The following SYCE1 variants were observed in gnomAD, a reference collection of about 807,000 sequenced individuals.
The protein encoded by SYCE1 is cancer/testis antigen 76.
In SYCE1, 37 loss-of-function variants were observed where a neutral mutation model predicts 55.1. The observed-to-expected ratio is 0.67, with a 90% CI of 0.52 to 0.88. The LOEUF is 0.88. SYCE1 is among the 40% of genes least tolerant of loss of function. The pLI, the probability that SYCE1 is intolerant of heterozygous loss-of-function variation, is 0.00. For synonymous variants in SYCE1, 163 were observed against 159.4 expected (o/e 1.02, Z -0.17); for missense variants, 399 against 416.4 (o/e 0.96, Z 0.36).
In SYCE1 at chr10:133,555,691, C is replaced by T; in HGVS notation, c.736G>A (p.Glu246Lys). 6.2e-7 allele frequency: 1 copy of T among 1,605,366 alleles called. No homozygotes were observed. Among genetic ancestry groups the T allele is most frequent in the Non-Finnish European group, 8.5e-7 (1 of 1,179,950 alleles). Residue 246 changes from glutamate to lysine, a missense_variant, in exon 11 of 13, where the codon GAG becomes AAG. Glu to Lys is a moderately conservative substitution (Grantham distance 56). Transcript: ENST00000343131. ...AGGAGCTCCTCAGCCTTCCTGTGCT[C>T]TTCCTGAAACAGCTGCCTGGGGGGC... ...AAATVQLFQE[E>K]HRKAEELLAA... is the part of the protein sequence containing the mutation.
intron 6 of SYCE1, 152 bp from the exon 7 acceptor site, chr10:133,557,308 A>C (rs1747387023): frequency 1.5e-6 from 1 of 674,314 alleles, no homozygotes; most frequent in Non-Finnish European, 2.6e-6. Flanking sequence ...TGACATGACC[A>C]TTTGCCCCCT....
intron 1 of SYCE1, chr10:133,564,356 T>C: frequency 1.0e-6 from 1 of 980,550 alleles, no homozygotes; most frequent in Non-Finnish European, 1.2e-6. Flanking sequence ...ATTTCTGTTG[T>C]AGCAGTTTGA....
chr10:133,559,460 G>C lies in SYCE1; in HGVS notation c.137-100C>G, dbSNP rs76867608. ...CTTTCACGCAACACAGATCTATTGA[G>C]TACCTCCTGCAAGCAGGTGCTCTGT... On this transcript the variant is annotated intron_variant, in intron 2 of 12. Transcript: ENST00000343131. 3,730 of 1,208,792 alleles carry C rather than the reference G, an allele frequency of 3.1e-3. No homozygotes were observed. In the African/African-American group the frequency reaches 0.048, roughly 16 times the overall value. The allele number at this position is 1,208,792 out of a possible 1,614,324, so 74.9% of individuals were successfully genotyped here.
chr10:133,554,135 A>C, downstream of SYCE1: 1 of 561,072 alleles, frequency 1.8e-6, no homozygotes, highest in Non-Finnish European at 3.1e-6. Context: ...TTGATTTAAA[A>C]GTCATGTTTG....
Position 133,558,935 on chromosome 10 carries a change from A to C in SYCE1, c.213T>G (p.Asn71Lys). The stretch of plus-strand genomic sequence containing the variant: ...TGGTCCGGGCCTCTCCTAGGTCTTT[A>C]TTGGCTTTCTTTTTTGCTTCACCAA... Reference protein sequence around the residue: ...NEVQQAKKKANKDLGEARTIC... With the variant: ...NEVQQAKKKAKKDLGEARTIC... Residue 71 changes from asparagine to lysine, a missense_variant, in exon 4 of 13, where the codon AAT becomes AAG. Asn to Lys is a moderately conservative substitution (Grantham distance 94). Coordinates refer to ENST00000343131, the MANE Select transcript of SYCE1 (RefSeq NM_001143764.3). 1 of 1,611,444 alleles carries C rather than the reference A, an allele frequency of 6.2e-7. No homozygotes were observed. Among genetic ancestry groups the C allele is most frequent in the Non-Finnish European group, 8.5e-7 (1 of 1,179,466 alleles).
chr10:133,555,049 G>A lies in SYCE1; in HGVS notation c.999C>T (p.Asp333=). 1.3e-6 allele frequency: 2 copies of A among 1,551,490 alleles called. No individual in the cohort carries two copies. The highest frequency in any genetic ancestry group is 1.7e-6 in the Non-Finnish European group (2 of 1,146,928). Residue 333 remains aspartate (D), a synonymous_variant, in exon 13 of 13, where the codon GAC becomes GAT. Coordinates refer to ENST00000343131, the MANE Select transcript of SYCE1 (RefSeq NM_001143764.3). ...TTGGGCTAAGGTCGGGGTGGAGTGTGTCCTCCTGGCCTATGAGGACATCAG... is the reference window on the plus strand; with the variant it reads ...TTGGGCTAAGGTCGGGGTGGAGTGTATCCTCCTGGCCTATGAGGACATCAG... ...AGPDVLIGQE[D]TLHPDLSPRG...
chr10:133,561,589 T>C (rs919312927), intron 1 of SYCE1, among the ~76,000 whole-genome samples: 2 of 152,164 alleles, frequency 1.3e-5, no homozygotes, highest in East Asian at 1.9e-4. Flanking sequence ...TCTAAGATGA[T>C]AGAGAGCAGT....
intron 5 of SYCE1, 107 bp from the exon 6 acceptor site, chr10:133,558,025 T>C: frequency 6.5e-7 from 1 of 1,527,642 alleles, no homozygotes; most frequent in African/African-American, 1.4e-5. Context: ...GATTGAGCTT[T>C]AACATTTACT....
rs373400887 is a variant in SYCE1 at position 133,562,779 on chromosome 10, C to T, written c.74-2626G>A. ...GTGGTCGAGCCTCATAATAATTCTC[C>T]CTTTTTGCAGACCCAGGATTCAGTG... is the stretch of plus-strand genomic sequence containing the variant. On this transcript the variant is annotated intron_variant, in intron 1 of 12. Coordinates refer to ENST00000343131, the MANE Select transcript of SYCE1 (RefSeq NM_001143764.3). Among the ~76,000 whole-genome samples the T allele has an allele frequency of 1.2e-4, 18 of 152,246 alleles. 1 individual carries two copies. Among genetic ancestry groups the T allele is most frequent in the African/African-American group, 4.3e-4 (18 of 41,536 alleles).
upstream of SYCE1, chr10:133,568,101 G>A (rs1398675023): frequency 9.7e-6 from 7 of 720,508 alleles, no homozygotes; most frequent in Middle Eastern, 2.3e-4. Context: ...GCCTAGGGCC[G>A]CAGCAGCCCC....
At position 133,555,681 on chromosome 10, in the gene SYCE1, T is replaced by A; in HGVS notation, c.746A>T (p.Lys249Met). The change falls in exon 11 of 13, where the codon AAG becomes ATG. Residue 249 changes from lysine to methionine, a missense_variant. Lys to Met is a moderately conservative substitution (Grantham distance 95). Transcript: ENST00000343131. ...AGCAGCTGCTAGGAGCTCCTCAGCCTTCCTGTGCTCTTCCTGAAACAGCTG... is the reference window on the plus strand; with the variant it reads ...AGCAGCTGCTAGGAGCTCCTCAGCCATCCTGTGCTCTTCCTGAAACAGCTG... Reference protein sequence around the residue: ...TVQLFQEEHRKAEELLAAAAQ... With the variant: ...TVQLFQEEHRMAEELLAAAAQ... 6.2e-7 allele frequency: 1 copy of A among 1,605,012 alleles called. No homozygotes were observed. Among genetic ancestry groups the A allele is most frequent in the Middle Eastern group, 1.7e-4 (1 of 6,060 alleles).
intron 8 of SYCE1, chr10:133,556,277 G>C (rs1352086603): frequency 1.7e-6 from 1 of 594,592 alleles, no homozygotes; most frequent in Admixed American, 3.0e-5. Flanking sequence ...GATGCTCATG[G>C]ATTGTTATTT....
rs1171055370 is a variant in SYCE1 at position 133,555,671 on chromosome 10, C to T, written c.756G>A (p.Glu252=). 3.1e-6 allele frequency: 5 copies of T among 1,604,616 alleles called. No individual in the cohort carries two copies. The highest frequency in any genetic ancestry group is 4.2e-6 in the Non-Finnish European group (5 of 1,179,986). The part of the protein sequence containing the change: ...LFQEEHRKAE[E]LLAAAAQRHQ... ...GGCGCTGGGCAGCAGCTGCTAGGAGCTCCTCAGCCTTCCTGTGCTCTTCCT... is the reference window on the plus strand; with the variant it reads ...GGCGCTGGGCAGCAGCTGCTAGGAGTTCCTCAGCCTTCCTGTGCTCTTCCT... Residue 252 remains glutamate (E), a synonymous_variant, in exon 11 of 13, where the codon GAG becomes GAA. Coordinates refer to ENST00000343131, the MANE Select transcript of SYCE1 (RefSeq NM_001143764.3).
chr10:133,554,420 T>C, downstream of SYCE1: 1 of 1,129,160 alleles, frequency 8.9e-7, no homozygotes, highest in Non-Finnish European at 1.4e-6. Context: ...CTTGATTGGG[T>C]CAACGCATTT....
chr10:133,554,995 A>G lies in SYCE1; in HGVS notation c.1053T>C (p.Phe351=). ...CTCACCAGTAGACTTAGCTGTATCA[A>G]AATAGCTCCTTTATTTCCTGAAAGC... ...PRGFQEIKEL[F] The change falls in exon 13 of 13, where the codon TTT becomes TTC. Residue 351 remains phenylalanine (F), a synonymous_variant. Coordinates refer to ENST00000343131, the MANE Select transcript of SYCE1 (RefSeq NM_001143764.3). The G allele has an allele frequency of 1.3e-6, 2 of 1,495,500 alleles. No homozygotes were observed. The highest frequency in any genetic ancestry group is 1.8e-6 in the Non-Finnish European group (2 of 1,112,450). 92.6% of individuals were successfully genotyped at this position (1,495,500 alleles called of 1,614,324 possible).
chr10:133,566,616 T>A (rs1310002908), upstream of SYCE1, among the ~76,000 whole-genome samples: 1 of 37,724 alleles, frequency 2.7e-5, no homozygotes, highest in Non-Finnish European at 7.1e-5. Flanking sequence ...GTTAGGGTAT[T>A]GGGGTTAGGG....
intron 2 of SYCE1, 178 bp from the exon 3 acceptor site, chr10:133,559,538 A>G (rs1200225229): frequency 7.9e-6 from 5 of 630,420 alleles, no homozygotes; most frequent in East Asian, 2.8e-5. Context: ...AACAGACACA[A>G]TAAGATACCG....
chr10:133,568,209 G>C, upstream of SYCE1: 3 of 1,167,224 alleles, frequency 2.6e-6, no homozygotes, highest in Non-Finnish European at 3.7e-6. Context: ...ATGCCGAGCC[G>C]GTCCTGTTGC....
At chr10:133,567,982 C>G (rs1463310203), upstream of SYCE1, 1 of 590,470 alleles carries the variant, frequency 1.7e-6, no homozygotes, top group East Asian at 3.8e-5. Context: ...GCTCCTGCAC[C>G]CACTGGGGCT....
Sources: gnomAD v4.1 joint callset for allele counts (sites outside exome capture counted in the v4.1 genomes callset) on GRCh38, gnomAD v4.1.1 for gene constraint, MANE v1.5 for transcripts, NCBI Gene and HGNC (gene_info 2026-07-23, HGNC 2026-07-21) for gene names.